Variants in SLC44A5 observed in about 807,000 individuals in gnomAD.
SLC44A5 encodes the protein solute carrier family 44 member 5, also known as choline transporter-like protein 5.
A neutral mutation model predicts 101.8 loss-of-function variants in SLC44A5; 57 were observed. The observed-to-expected ratio is 0.56, with a 90% CI of 0.45 to 0.70. SLC44A5 has a LOEUF of 0.70. Among genes scored for constraint, SLC44A5 ranks in the 30% least tolerant of loss-of-function variants. The probability of loss-of-function intolerance (pLI) is 0.00; values close to 1 mark genes in which losing one functional copy is unlikely to be tolerated. For missense variants in SLC44A5, 737 were observed against 853.1 expected, an observed-to-expected ratio of 0.86 and a Z score of 1.70; for synonymous variants, 281 against 290.9, an observed-to-expected ratio of 0.97 and a Z score of 0.35.
chr1:75,691,359 G>A, the SLC44A5 span, among the ~76,000 whole-genome samples: 3 of 152,098 alleles, frequency 2.0e-5, no homozygotes, highest in Admixed American at 2.0e-4. Flanking sequence ...TATAAATTCT[G>A]GAGTTGCTAG....
intron 14 of SLC44A5, among the ~76,000 whole-genome samples, chr1:75,220,248 C>T (rs1029261610): frequency 6.6e-6 from 1 of 152,010 alleles, no homozygotes; most frequent in Non-Finnish European, 1.5e-5. Flanking sequence ...TGAGGGAATT[C>T]CCCACTAATT....
At chr1:75,563,549 G>A (rs534913932) in intron 1 of SLC44A5, among the ~76,000 whole-genome samples, 1 of 151,706 alleles carries the variant, frequency 6.6e-6, no homozygotes, top group African/African-American at 2.4e-5. Context: ...TTAAATAATA[G>A]TAAAAAAATT....
At chr1:75,697,816 A>G in the SLC44A5 span, among the ~76,000 whole-genome samples, 1 of 152,214 alleles carries the variant, frequency 6.6e-6, no homozygotes, top group Non-Finnish European at 1.5e-5. Context: ...GAGCTGAAGC[A>G]GGGCGAGGCA....
At chr1:75,581,064 T>A (rs1365560491) in intron 1 of SLC44A5, among the ~76,000 whole-genome samples, 3 of 152,154 alleles carry the variant, frequency 2.0e-5, no homozygotes, top group African/African-American at 7.2e-5. Flanking sequence ...ATAAAATTTT[T>A]AAAAACAAAT....
intron 1 of SLC44A5, among the ~76,000 whole-genome samples, chr1:75,562,273 G>A (rs910012708): frequency 1.3e-4 from 19 of 151,706 alleles, no homozygotes; most frequent in Admixed American, 1.1e-3. Flanking sequence ...ACTCCTCTAT[G>A]GAAAATGTTT....
intron 2 of SLC44A5, among the ~76,000 whole-genome samples, chr1:75,499,355 G>A (rs1668832453): frequency 1.3e-5 from 2 of 152,146 alleles, no homozygotes; most frequent in South Asian, 4.1e-4. Context: ...TTCACAACAG[G>A]GTTTGTGCTC....
Position 75,396,607 on chromosome 1 carries a change from T to C in SLC44A5, c.28A>G (p.Thr10Ala), listed in dbSNP as rs200976396. 3 of 1,612,592 alleles carry C rather than the reference T, an allele frequency of 1.9e-6. No individual in the cohort carries two copies. Among genetic ancestry groups the C allele is most frequent in the Non-Finnish European group, 2.5e-6 (3 of 1,179,288 alleles). Residue 10 changes from threonine (T) to alanine (A), a missense_variant, in exon 3 of 24, where the codon ACT (threonine) becomes GCT (alanine). Physicochemically the swap from Thr to Ala is moderately conservative, Grantham distance 58. Transcript: ENST00000370859. ...CCAAAGTCCTCTTCCTCAGAGGGAGTATCTGCTGGTTTTTCTAGGAAAAAG... is the reference window on the plus strand; with the variant it reads ...CCAAAGTCCTCTTCCTCAGAGGGAGCATCTGCTGGTTTTTCTAGGAAAAAG... Reference protein sequence around the residue: MNDTEKPADTPSEEEDFGDP... With the variant: MNDTEKPADAPSEEEDFGDP...
chr1:75,503,344 T>C (rs766732136), intron 2 of SLC44A5, among the ~76,000 whole-genome samples: 7 of 152,118 alleles, frequency 4.6e-5, no homozygotes, highest in Non-Finnish European at 8.8e-5. Flanking sequence ...GACTGGATCA[T>C]GGGGTCAGAT....
the SLC44A5 span, among the ~76,000 whole-genome samples, chr1:75,637,921 T>C: frequency 6.6e-6 from 1 of 152,032 alleles, no homozygotes; most frequent in Non-Finnish European, 1.5e-5. Context: ...GTGCTTGAAA[T>C]TTTAATTCAA....
intron 2 of SLC44A5, among the ~76,000 whole-genome samples, chr1:75,408,123 C>A (rs192288580): frequency 7.2e-5 from 11 of 152,276 alleles, no homozygotes; most frequent in African/African-American, 2.6e-4. Flanking sequence ...AGCTCATTGT[C>A]GCTGGTCATT....
At position 75,410,504 on chromosome 1, in the gene SLC44A5, C is replaced by T. The variant is rs146347674; in HGVS notation, c.14-13883G>A. ...CTCAAGTGAAGTCATCTTAAATAAA[C>T]CCATGTTTCTAGGAGATCATATCTT... On this transcript the variant is annotated intron_variant, in intron 2 of 23. Transcript: ENST00000370859. Among the ~76,000 whole-genome samples, 121 of 152,172 alleles carry T rather than the reference C, an allele frequency of 8.0e-4. 1 individual carries two copies. Among genetic ancestry groups the T allele is most frequent in the African/African-American group, 2.7e-3 (113 of 41,546 alleles).
intron 3 of SLC44A5, among the ~76,000 whole-genome samples, chr1:75,374,373 G>C (rs1275942575): frequency 6.6e-6 from 1 of 152,156 alleles, no homozygotes; most frequent in African/African-American, 2.4e-5. Flanking sequence ...GGACCAGTAG[G>C]TCTCCAGGGA....
At chr1:75,536,158 G>T (rs968692206) in intron 2 of SLC44A5, among the ~76,000 whole-genome samples, 3 of 152,068 alleles carry the variant, frequency 2.0e-5, no homozygotes, top group Admixed American at 6.6e-5. Context: ...TTACAGTTTG[G>T]TCACTGCTCA....
chr1:75,612,283 T>C (rs966289275), upstream of SLC44A5, among the ~76,000 whole-genome samples: 3 of 152,174 alleles, frequency 2.0e-5, no homozygotes, highest in African/African-American at 7.2e-5. Flanking sequence ...AGCAAGTGAA[T>C]ATCCAATGGC....
At chr1:75,716,352 T>C in the SLC44A5 span, among the ~76,000 whole-genome samples, 1 of 151,968 alleles carries the variant, frequency 6.6e-6, no homozygotes, top group African/African-American at 2.4e-5. Context: ...GTGCCTGTAG[T>C]CCCAGCCACT....
the SLC44A5 span, among the ~76,000 whole-genome samples, chr1:75,714,489 G>A: frequency 2.0e-5 from 3 of 152,014 alleles, no homozygotes; most frequent in Non-Finnish European, 4.4e-5. Flanking sequence ...TCCTAGCCAG[G>A]GCAATCAGGC....
the SLC44A5 span, among the ~76,000 whole-genome samples, chr1:75,630,375 C>G: frequency 6.6e-6 from 1 of 152,144 alleles, no homozygotes; most frequent in African/African-American, 2.4e-5. Context: ...CATTAGCCTG[C>G]CACATGAAGA....
chr1:75,242,887 T>G lies in SLC44A5; in HGVS notation c.470A>C (p.Lys157Thr), dbSNP rs1648763482. ...QFCKTTAKPV[K>T]SLTQLLLDDD... ...TGCTTTAAGCTTAAACACACATACC[T>G]TCACAGGCTTAGCAGTGGTCTTACA... The change falls in exon 8 of 24, where the codon AAG (lysine) becomes ACG (threonine). Residue 157 changes from lysine (K) to threonine (T), a missense_variant and splice_region_variant. Lys to Thr is a moderately conservative substitution (Grantham distance 78). Coordinates refer to ENST00000370859, the MANE Select transcript of SLC44A5 (RefSeq NM_001130058.2). 2.5e-6 allele frequency: 4 copies of G among 1,592,838 alleles called. No individual in the cohort carries two copies. In the East Asian group the frequency reaches 9.1e-5, roughly 36 times the overall value.
the SLC44A5 span, among the ~76,000 whole-genome samples, chr1:75,707,176 A>T: frequency 1.3e-5 from 2 of 152,222 alleles, no homozygotes; most frequent in Admixed American, 6.5e-5. Context: ...AAATTAATAA[A>T]TGCCAGGTCT....
Sources: gnomAD v4.1 joint callset for allele counts (sites outside exome capture counted in the v4.1 genomes callset) on GRCh38, gnomAD v4.1.1 for gene constraint, MANE v1.5 for transcripts, NCBI Gene and HGNC (gene_info 2026-07-23, HGNC 2026-07-21) for gene names.